The following ERCC6L2 variants were observed in gnomAD, a reference collection of about 807,000 sequenced individuals.
ERCC6L2 encodes ERCC excision repair 6 like 2, also known as DNA excision repair protein ERCC-6-like 2.
A neutral mutation model predicts 132.0 loss-of-function variants in ERCC6L2; 77 were observed. The observed-to-expected ratio is 0.58, with a 90% CI of 0.49 to 0.71. The LOEUF is 0.71. ERCC6L2 is among the 30% of genes least tolerant of loss of function. ERCC6L2 has a pLI of 0.00. For synonymous variants in ERCC6L2, 583 were observed against 632.4 expected, an observed-to-expected ratio of 0.92 and a Z score of 1.17; for missense variants, 1,542 against 1,837.6, an observed-to-expected ratio of 0.84 and a Z score of 2.94.
chr9:95,981,342 A>G (rs895476823), intron 17 of ERCC6L2, among the ~76,000 whole-genome samples: 6 of 152,336 alleles, frequency 3.9e-5, no homozygotes, highest in South Asian at 2.1e-4. Flanking sequence ...TCAACCATGT[A>G]TCTTAAAAAG....
At chr9:95,893,425 G>A (rs1222141820) in intron 2 of ERCC6L2, among the ~76,000 whole-genome samples, 3 of 152,076 alleles carry the variant, frequency 2.0e-5, no homozygotes, top group African/African-American at 7.2e-5. Flanking sequence ...GTATTATAAT[G>A]TTCTTGTCAG....
chr9:95,902,020 T>C (rs149941461), intron 3 of ERCC6L2, among the ~76,000 whole-genome samples: 1 of 152,340 alleles, frequency 6.6e-6, no homozygotes, highest in African/African-American at 2.4e-5. Flanking sequence ...GAAAAATTAA[T>C]GTTGAAGCTT....
At chr9:95,958,747 A>G (rs1831746021) in intron 13 of ERCC6L2, among the ~76,000 whole-genome samples, 2 of 152,178 alleles carry the variant, frequency 1.3e-5, no homozygotes, top group Non-Finnish European at 2.9e-5. Flanking sequence ...ACAAACAGAG[A>G]GCCAAATCAT....
chr9:95,973,176 C>T, intron 16 of ERCC6L2, 88 bp downstream of exon 16: 1 of 924,776 alleles, frequency 1.1e-6, no homozygotes, highest in East Asian at 6.2e-5. Flanking sequence ...ACTTGTAAAA[C>T]AGCCCTAAAA....
intron 16 of ERCC6L2, among the ~76,000 whole-genome samples, chr9:95,975,556 T>C (rs1832632099): frequency 6.6e-6 from 1 of 151,248 alleles, no homozygotes; most frequent in South Asian, 2.1e-4. Context: ...CTAGCTTGTG[T>C]CTTCATGTTG....
chr9:95,934,214 T>G (rs1830462784), intron 11 of ERCC6L2, among the ~76,000 whole-genome samples: 1 of 152,114 alleles, frequency 6.6e-6, no homozygotes, highest in Admixed American at 6.6e-5. Context: ...ATGTAAAAAT[T>G]TATCATCGTT....
intron 2 of ERCC6L2, among the ~76,000 whole-genome samples, chr9:95,894,202 G>A (rs1427441770): frequency 2.2e-5 from 3 of 138,682 alleles, no homozygotes; most frequent in Non-Finnish European, 4.9e-5. Context: ...TTTGCTAAAA[G>A]TGAAAAACAA....
At chr9:95,995,731 GTTA>G (rs1833448577) in intron 17 of ERCC6L2, among the ~76,000 whole-genome samples, 2 of 152,014 alleles carry the variant, frequency 1.3e-5, no homozygotes, top group South Asian at 2.1e-4. Context: ...GAAGTTTTTC[GTTA>G]TTATTATATC....
At chr9:95,903,030 A>G (rs572795935) in intron 3 of ERCC6L2, among the ~76,000 whole-genome samples, 14 of 152,062 alleles carry the variant, frequency 9.2e-5, no homozygotes, top group Admixed American at 1.3e-4. Flanking sequence ...ATGTTTGCCT[A>G]GAAAAGCCTT....
At chr9:96,030,333 C>G (rs1228320677) in intron 19 of ERCC6L2, among the ~76,000 whole-genome samples, 1 of 152,126 alleles carries the variant, frequency 6.6e-6, no homozygotes, top group African/African-American at 2.4e-5. Flanking sequence ...GCTCGGGTTC[C>G]CTTCCATGCT....
At chr9:95,980,853 C>G (rs1375629170) in intron 17 of ERCC6L2, among the ~76,000 whole-genome samples, 2 of 152,108 alleles carry the variant, frequency 1.3e-5, no homozygotes, top group East Asian at 3.9e-4. Flanking sequence ...CCTGAAGTCT[C>G]CAAAAAACCT....
intron 17 of ERCC6L2, 113 bp downstream of exon 17, chr9:95,978,328 A>T: frequency 1.8e-6 from 1 of 565,512 alleles, no homozygotes. Context: ...ACTGTAAGTG[A>T]CATACAAATA....
intron 17 of ERCC6L2, among the ~76,000 whole-genome samples, chr9:95,983,629 TG>T (rs1832975079): frequency 6.6e-6 from 1 of 152,216 alleles, no homozygotes; most frequent in South Asian, 2.1e-4. Flanking sequence ...CAATTGGACA[TG>T]GCCCCCTAAT....
At chr9:96,030,430 T>G (rs548803494) in intron 19 of ERCC6L2, among the ~76,000 whole-genome samples, 1 of 151,964 alleles carries the variant, frequency 6.6e-6, no homozygotes, top group Non-Finnish European at 1.5e-5. Context: ...GCTGTAGTAC[T>G]CTCACGCCTG....
chr9:96,011,668 GA>G (rs1292766636), intron 18 of ERCC6L2, among the ~76,000 whole-genome samples: 2 of 152,128 alleles, frequency 1.3e-5, no homozygotes. Context: ...GCCAACTGGG[GA>G]AAAAATAGTC....
intron 17 of ERCC6L2, among the ~76,000 whole-genome samples, chr9:95,984,678 T>C (rs1833029627): frequency 6.6e-6 from 1 of 152,188 alleles, no homozygotes; most frequent in Non-Finnish European, 1.5e-5. Context: ...TTTGAAATAG[T>C]AAGATATGTC....
chr9:95,910,022 T>C (rs113899165), intron 4 of ERCC6L2, among the ~76,000 whole-genome samples: 6 of 152,368 alleles, frequency 3.9e-5, no homozygotes, highest in African/African-American at 1.4e-4. Flanking sequence ...TTCTGATCCA[T>C]GTGCACTTGG....
At chr9:96,008,942 C>T (rs1833944114) in intron 18 of ERCC6L2, among the ~76,000 whole-genome samples, 1 of 152,236 alleles carries the variant, frequency 6.6e-6, no homozygotes, top group Admixed American at 6.5e-5. Context: ...AGCGAGAAAG[C>T]AGCCTTCACA....
rs753031568 is a variant in ERCC6L2, at chr9:95,923,415, A to G, written c.1533+36A>G. 1.0e-5 allele frequency: 16 copies of G among 1,606,850 alleles called. No homozygotes were observed. In the Admixed American group the frequency reaches 1.0e-4, roughly 10 times the overall value. On this transcript the variant is annotated intron_variant, in intron 9 of 18. Coordinates refer to ENST00000653738, the MANE Select transcript of ERCC6L2 (RefSeq NM_020207.7). Reference sequence around the variant, plus strand: ...CTCTTTCAGGTTGCATACAGACATGATACACAAAATATTTATTCAGTGGTA... The same window carrying G: ...CTCTTTCAGGTTGCATACAGACATGGTACACAAAATATTTATTCAGTGGTA...
Sources: gnomAD v4.1 joint callset for allele counts (sites outside exome capture counted in the v4.1 genomes callset) on GRCh38, gnomAD v4.1.1 for gene constraint, MANE v1.5 for transcripts, NCBI Gene and HGNC (gene_info 2026-07-23, HGNC 2026-07-21) for gene names.